SPATA16: variants seen among roughly 807,000 people sequenced by gnomAD.
SPATA16 encodes spermatogenesis associated 16.
Under a neutral mutation model 63.3 loss-of-function variants are expected in SPATA16, and 36 were observed. The observed-to-expected ratio is 0.57, with a 90% CI of 0.44 to 0.75. The LOEUF is 0.75. SPATA16 is among the 30% of genes least tolerant of loss of function. The pLI is 0.00. For missense variants in SPATA16, 646 were observed against 679.3 expected (o/e 0.95, Z 0.54); for synonymous variants, 203 against 216.7 (o/e 0.94, Z 0.56).
intron 2 of SPATA16, among the ~76,000 whole-genome samples, chr3:173,106,760 T>C (rs919565796): frequency 3.2e-4 from 49 of 152,146 alleles, no homozygotes; most frequent in African/African-American, 1.2e-3. Flanking sequence ...ACCATCCTTC[T>C]AGTAATGTTT....
chr3:173,106,353 A>G (rs1737622358), intron 2 of SPATA16, among the ~76,000 whole-genome samples: 1 of 152,038 alleles, frequency 6.6e-6, no homozygotes. Context: ...TTACCCCTCT[A>G]GCTGTTTTCC....
At chr3:172,979,790 T>C (rs1345144572) in intron 4 of SPATA16, among the ~76,000 whole-genome samples, 1 of 152,178 alleles carries the variant, frequency 6.6e-6, no homozygotes, top group African/African-American at 2.4e-5. Flanking sequence ...TTAAGATGCA[T>C]TGAAATTCCT....
chr3:172,891,422 C>G (rs915322411), intron 10 of SPATA16, among the ~76,000 whole-genome samples: 5 of 152,178 alleles, frequency 3.3e-5, no homozygotes. Flanking sequence ...ATTAACTGGG[C>G]AGGTCCAGAG....
intron 10 of SPATA16, among the ~76,000 whole-genome samples, chr3:172,907,858 G>A (rs76295003): frequency 0.093 from 14,179 of 152,108 alleles, 736 homozygotes; most frequent in African/African-American, 0.13. Flanking sequence ...TATTACAGAC[G>A]TGAGCCACCG....
chr3:172,938,986 T>A (rs1416253305), intron 6 of SPATA16, among the ~76,000 whole-genome samples: 1 of 152,148 alleles, frequency 6.6e-6, no homozygotes, highest in African/African-American at 2.4e-5. Context: ...TCTTTTCTGC[T>A]GACCTCAAAT....
At chr3:173,050,384 AC>A (rs1354462851) in intron 2 of SPATA16, among the ~76,000 whole-genome samples, 2 of 151,854 alleles carry the variant, frequency 1.3e-5, no homozygotes, top group Non-Finnish European at 2.9e-5. Context: ...TGTTCTTAAA[AC>A]CCTTTATCAG....
chr3:172,982,736 A>T (rs1734350001), intron 4 of SPATA16, among the ~76,000 whole-genome samples: 1 of 152,214 alleles, frequency 6.6e-6, no homozygotes, highest in Non-Finnish European at 1.5e-5. Context: ...TTTGTAATTA[A>T]TATCACAAAA....
At chr3:173,088,339 T>G (rs1737137862) in intron 2 of SPATA16, among the ~76,000 whole-genome samples, 1 of 152,050 alleles carries the variant, frequency 6.6e-6, no homozygotes, top group Admixed American at 6.6e-5. Flanking sequence ...CACCTTGGCC[T>G]CCCAAAGTGC....
chr3:172,923,715 T>G (rs1305916267), intron 8 of SPATA16, among the ~76,000 whole-genome samples: 2 of 152,184 alleles, frequency 1.3e-5, no homozygotes, highest in African/African-American at 4.8e-5. Flanking sequence ...TAGAAAGAGA[T>G]TAGATAATTT....
intron 6 of SPATA16, among the ~76,000 whole-genome samples, chr3:172,925,846 A>G (rs917482342): frequency 6.6e-6 from 1 of 151,334 alleles, no homozygotes; most frequent in Non-Finnish European, 1.5e-5. Flanking sequence ...TTTTTTTTAG[A>G]TGGAGTCTTG....
At chr3:173,076,784 C>T (rs1560115660) in intron 2 of SPATA16, among the ~76,000 whole-genome samples, 1 of 151,998 alleles carries the variant, frequency 6.6e-6, no homozygotes, top group Non-Finnish European at 1.5e-5. Flanking sequence ...TTGCATAAAT[C>T]CCCTTTTATC....
chr3:172,921,257 A>G (rs1732609406), intron 8 of SPATA16, among the ~76,000 whole-genome samples: 1 of 152,116 alleles, frequency 6.6e-6, no homozygotes. Flanking sequence ...TTTGAAACAG[A>G]CAACAGAAAT....
chr3:172,994,912 A>G (rs1560091003), intron 4 of SPATA16, among the ~76,000 whole-genome samples: 2 of 152,130 alleles, frequency 1.3e-5, no homozygotes, highest in South Asian at 4.1e-4. Flanking sequence ...TGAGACCAGT[A>G]AAAATTTAAG....
chr3:172,928,680 A>C (rs1432238130), intron 6 of SPATA16, among the ~76,000 whole-genome samples: 2 of 152,214 alleles, frequency 1.3e-5, no homozygotes, highest in African/African-American at 4.8e-5. Flanking sequence ...GTACTATACT[A>C]TGGCTAATTT....
intron 2 of SPATA16, among the ~76,000 whole-genome samples, chr3:173,058,177 G>A (rs1736294980): frequency 6.6e-6 from 1 of 151,894 alleles, no homozygotes; most frequent in Admixed American, 6.5e-5. Flanking sequence ...TAATCTGCTT[G>A]TTTCTCTGAA....
At chr3:172,952,182 T>G (rs1255028219) in intron 6 of SPATA16, among the ~76,000 whole-genome samples, 1 of 152,154 alleles carries the variant, frequency 6.6e-6, no homozygotes, top group Non-Finnish European at 1.5e-5. Context: ...TGAGTGTTTT[T>G]GAGGATGGAG....
chr3:172,964,582 G>A (rs1053076935), intron 5 of SPATA16, among the ~76,000 whole-genome samples: 3 of 152,184 alleles, frequency 2.0e-5, no homozygotes, highest in Non-Finnish European at 4.4e-5. Context: ...GTGTTCAGTA[G>A]TAAATGTCAA....
Position 172,980,696 on chromosome 3 carries a change from C to T in SPATA16, c.849-3644G>A, listed in dbSNP as rs1577116980. 2.0e-5 allele frequency among the ~76,000 whole-genome samples: 3 copies of T among 152,240 alleles called. No homozygotes were observed. In the East Asian group the frequency reaches 5.8e-4, roughly 29 times the overall value. On this transcript the variant is annotated intron_variant, in intron 4 of 10. Transcript: ENST00000351008. ...GTATCTCACTCTTCTAGTTTCTTTTCTCTCTTTCCATTTCTCATTTTCTCC... is the reference window on the plus strand; with the variant it reads ...GTATCTCACTCTTCTAGTTTCTTTTTTCTCTTTCCATTTCTCATTTTCTCC...
chr3:173,003,723 C>A (rs973624745), intron 4 of SPATA16, among the ~76,000 whole-genome samples: 5 of 152,186 alleles, frequency 3.3e-5, no homozygotes, highest in African/African-American at 1.2e-4. Context: ...AGAACTAATT[C>A]AGAGGGAATG....
Sources: gnomAD v4.1 joint callset for allele counts (sites outside exome capture counted in the v4.1 genomes callset) on GRCh38, gnomAD v4.1.1 for gene constraint, MANE v1.5 for transcripts, NCBI Gene and HGNC (gene_info 2026-07-23, HGNC 2026-07-21) for gene names.